The following NAB1 variants were observed in gnomAD, a reference collection of about 807,000 sequenced individuals.
NAB1 encodes the protein NGFI-A-binding protein 1.
A neutral mutation model predicts 49.9 loss-of-function variants in NAB1; 25 were observed. The ratio of observed to expected loss-of-function variants is 0.50; its 90% CI spans 0.37 to 0.70. The LOEUF is 0.70. Ranked by LOEUF, NAB1 falls within the 30% of genes least tolerant of loss-of-function variation. The pLI, the probability that NAB1 is intolerant of heterozygous loss-of-function variation, is 0.00. For synonymous variants in NAB1, 198 were observed against 215.6 expected, an observed-to-expected ratio of 0.92 and a Z score of 0.71; for missense variants, 489 against 575.9, an observed-to-expected ratio of 0.85 and a Z score of 1.54.
In NAB1 at chr2:190,686,828, T is replaced by C. The variant is rs1006185936; in HGVS notation, c.1259-373T>C. ...AATCTTTAATTGGCTTGAAGCCTTC[T>C]GTGTCTTTCTAGTACTTGTTATTAT... On this transcript the variant is annotated intron_variant, in intron 8 of 9. Transcript: ENST00000337386. The surrounding 1 kb of genome is among the most constrained non-coding windows in gnomAD (Gnocchi z 5.5). 1.3e-5 allele frequency among the ~76,000 whole-genome samples: 2 copies of C among 152,082 alleles called. No homozygotes were observed. The highest frequency in any genetic ancestry group is 4.8e-5 in the African/African-American group (2 of 41,410).
At chr2:190,681,678 T>A (rs1171629100) in intron 6 of NAB1, among the ~76,000 whole-genome samples, 1 of 152,248 alleles carries the variant, frequency 6.6e-6, no homozygotes, top group Non-Finnish European at 1.5e-5. Context: ...CTCTTGGCTC[T>A]ATATCATGTC....
intron 4 of NAB1, among the ~76,000 whole-genome samples, chr2:190,664,553 CCT>C (rs1694398271): frequency 1.1e-5 from 1 of 91,568 alleles, no homozygotes; most frequent in Admixed American, 1.3e-4. Flanking sequence ...TTCCTTCCTT[CCT>C]TCCTTTCTTC....
At chr2:190,661,668 A>G (rs1412175578) in intron 4 of NAB1, among the ~76,000 whole-genome samples, 1 of 152,248 alleles carries the variant, frequency 6.6e-6, no homozygotes, top group Non-Finnish European at 1.5e-5. Context: ...AAGTAGGTAC[A>G]TATGATATTT....
In NAB1 at chr2:190,669,170, T is replaced by TAG. The variant is rs1254553672; in HGVS notation, c.820-1156_820-1155insAG. On this transcript the variant is annotated intron_variant, in intron 4 of 9. Transcript: ENST00000337386. This position sits in a 1 kb window ranked among gnomAD's most constrained non-coding sequence, Gnocchi z 4.3. ...GATTCATCACTTGGATGAGACAGAG[T>TAG]GAGATGGCACACAGTTTAAAACTTA... Among the ~76,000 whole-genome samples, 1 of 152,134 alleles carries TAG rather than the reference T, an allele frequency of 6.6e-6. No homozygotes were observed. The highest frequency in any genetic ancestry group is 2.4e-5 in the African/African-American group (1 of 41,428).
rs778670021 is a variant in NAB1, at chr2:190,682,951, T to C, written c.1006-787T>C. Among the ~76,000 whole-genome samples, 1 of 152,196 alleles carries C rather than the reference T, an allele frequency of 6.6e-6. No individual in the cohort carries two copies. Among genetic ancestry groups the C allele is most frequent in the African/African-American group, 2.4e-5 (1 of 41,446 alleles). On this transcript the variant is annotated intron_variant, in intron 6 of 9. Coordinates refer to ENST00000337386, the MANE Select transcript of NAB1 (RefSeq NM_005966.4). The surrounding 1 kb of genome is among the most constrained non-coding windows in gnomAD (Gnocchi z 4.1). ...TCTGGGAATCTTTTGTAGTAGATAA[T>C]CTAAGCTATCGAAAATGCTATCTCC...
intron 4 of NAB1, among the ~76,000 whole-genome samples, chr2:190,660,820 C>A (rs1481309334): frequency 6.6e-6 from 1 of 152,136 alleles, no homozygotes; most frequent in East Asian, 1.9e-4. Flanking sequence ...ACAGTATACT[C>A]TGGGTTTCTT....
In NAB1 at chr2:190,650,001, A is replaced by G. The variant is rs948479486; in HGVS notation, c.-197+19A>G. ...TATAGAGGTGTGTGTGTGTGACCTT[A>G]TCATGGAGAAACACTGAAAATACTA... On this transcript the variant is annotated intron_variant, in intron 2 of 9. Transcript: ENST00000337386. 2.0e-5 allele frequency: 3 copies of G among 152,168 alleles called. No individual in the cohort carries two copies. The highest frequency in any genetic ancestry group is 4.4e-5 in the Non-Finnish European group (3 of 68,046). The allele number at this position is 152,168 out of a possible 1,614,324, so 9.4% of individuals were successfully genotyped here.
rs1255507779 is a variant in NAB1 at position 190,652,368 on chromosome 2, C to G, written c.-197+2386C>G. Among the ~76,000 whole-genome samples, 1 of 152,142 alleles carries G rather than the reference C, an allele frequency of 6.6e-6. No homozygotes were observed. The highest frequency in any genetic ancestry group is 1.5e-5 in the Non-Finnish European group (1 of 68,006). ...TGGGTACTTAATGTTTGTTGAATGACTTGATGGTTGGTTGGTTAAGAATTT... is the reference window on the plus strand; with the variant it reads ...TGGGTACTTAATGTTTGTTGAATGAGTTGATGGTTGGTTGGTTAAGAATTT... On this transcript the variant is annotated intron_variant, in intron 2 of 9. Coordinates refer to ENST00000337386, the MANE Select transcript of NAB1 (RefSeq NM_005966.4). This position sits in a 1 kb window ranked among gnomAD's most constrained non-coding sequence, Gnocchi z 4.2.
intron 4 of NAB1, among the ~76,000 whole-genome samples, chr2:190,660,246 T>G (rs76783090): frequency 0.066 from 10,118 of 152,300 alleles, 546 homozygotes; most frequent in Middle Eastern, 0.14. Context: ...TAGAAAAATG[T>G]CAGAATTTAA....
chr2:190,649,009 G>C (rs1330775118), upstream of NAB1: 1 of 147,656 alleles, frequency 6.8e-6, no homozygotes, highest in African/African-American at 2.5e-5. This position sits in a 1 kb window ranked among gnomAD's most constrained non-coding sequence, Gnocchi z 6.1. Flanking sequence ...GCGGGGGAGG[G>C]GGAGGAGGGT....
intron 9 of NAB1, among the ~76,000 whole-genome samples, chr2:190,688,028 T>C (rs2125883421): frequency 6.6e-6 from 1 of 152,340 alleles, no homozygotes; most frequent in East Asian, 1.9e-4. Context: ...CATAGTTAGA[T>C]ATTTACATAT....
At position 190,678,498 on chromosome 2, in the gene NAB1, G is replaced by A. The variant is rs1278092230; in HGVS notation, c.1006-5240G>A. Among the ~76,000 whole-genome samples the A allele has an allele frequency of 6.6e-6, 1 of 152,218 alleles. No individual in the cohort carries two copies. The highest frequency in any genetic ancestry group is 1.5e-5 in the Non-Finnish European group (1 of 68,034). Reference sequence around the variant, plus strand: ...GTTTTCTTCATTCGCTGAAATTGCTGGAGACTGGGCAGAGATGGGAAATGA... The same window carrying A: ...GTTTTCTTCATTCGCTGAAATTGCTAGAGACTGGGCAGAGATGGGAAATGA... On this transcript the variant is annotated intron_variant, in intron 6 of 9. Coordinates refer to ENST00000337386, the MANE Select transcript of NAB1 (RefSeq NM_005966.4). The surrounding 1 kb of genome is among the most constrained non-coding windows in gnomAD (Gnocchi z 4.9).
rs1363772325 is a variant in NAB1, at chr2:190,685,058, C to T, written c.1096-418C>T. Among the ~76,000 whole-genome samples, 1 of 152,206 alleles carries T rather than the reference C, an allele frequency of 6.6e-6. No individual in the cohort carries two copies. Among genetic ancestry groups the T allele is most frequent in the African/African-American group, 2.4e-5 (1 of 41,452 alleles). On this transcript the variant is annotated intron_variant, in intron 7 of 9. Coordinates refer to ENST00000337386, the MANE Select transcript of NAB1 (RefSeq NM_005966.4). This position sits in a 1 kb window ranked among gnomAD's most constrained non-coding sequence, Gnocchi z 4.5. ...TCCCCCAAACATATTGTCATCATAT[C>T]AGAGTCTGTGTACTGCCAGATCCTA...
rs1405269157 is a variant in NAB1 at position 190,654,840 on chromosome 2, A to G, written c.-196-1137A>G. Among the ~76,000 whole-genome samples, 1 of 152,204 alleles carries G rather than the reference A, an allele frequency of 6.6e-6. No homozygotes were observed. Among genetic ancestry groups the G allele is most frequent in the Admixed American group, 6.5e-5 (1 of 15,274 alleles). On this transcript the variant is annotated intron_variant, in intron 2 of 9. Transcript: ENST00000337386. This position sits in a 1 kb window ranked among gnomAD's most constrained non-coding sequence, Gnocchi z 5.6. ...TGTAGATTTGAGGAAGAAAGAAGAA[A>G]AAGCAAAAATGGAATCCAAACTTAC...
rs533979603 is a variant in NAB1 at position 190,666,457 on chromosome 2, A to T, written c.820-3869A>T. Among the ~76,000 whole-genome samples the T allele has an allele frequency of 7.2e-5, 11 of 152,370 alleles. No individual in the cohort carries two copies. The highest frequency in any genetic ancestry group is 1.2e-4 in the Non-Finnish European group (8 of 68,038). Reference sequence around the variant, plus strand: ...CATGGTGGCTCACGCCTGTAATCCCAGCACTTTGGGAGGCCAAGGTGGGTG... The same window carrying T: ...CATGGTGGCTCACGCCTGTAATCCCTGCACTTTGGGAGGCCAAGGTGGGTG... On this transcript the variant is annotated intron_variant, in intron 4 of 9. Coordinates refer to ENST00000337386, the MANE Select transcript of NAB1 (RefSeq NM_005966.4). The surrounding 1 kb of genome is among the most constrained non-coding windows in gnomAD (Gnocchi z 5.6).
At chr2:190,665,345 G>C (rs1694463180) in intron 4 of NAB1, among the ~76,000 whole-genome samples, 1 of 151,880 alleles carries the variant, frequency 6.6e-6, no homozygotes, top group Non-Finnish European at 1.5e-5. Context: ...AAAGTTAGTG[G>C]TTATTCTGCT....
intron 6 of NAB1, among the ~76,000 whole-genome samples, chr2:190,683,238 G>A (rs1695437291): frequency 1.3e-5 from 2 of 149,692 alleles, no homozygotes; most frequent in Non-Finnish European, 3.0e-5. Context: ...AGCCTCCCAA[G>A]TAGCTGCCCA....
In NAB1 at chr2:190,664,586, C is replaced by CTTTTTT. The variant is rs71027237; in HGVS notation, c.819+4614_819+4619dup. Among the ~76,000 whole-genome samples, 67 of 61,154 alleles carry CTTTTTT rather than the reference C, an allele frequency of 1.1e-3. 4 individuals are homozygous for CTTTTTT. The highest frequency in any genetic ancestry group is 2.1e-3 in the East Asian group (4 of 1,900). 40.1% of individuals were successfully genotyped at this position (61,154 alleles called of 152,430 possible). A position where few individuals can be genotyped will look rare whatever the true frequency, so the allele number is the denominator to read the frequency against. On this transcript the variant is annotated intron_variant, in intron 4 of 9. Transcript: ENST00000337386. ...TCTTCCTCTCTTTCTTTCTTCTTTC[C>CTTTTTT]TTTTTTTTTTTTTTTTTTTTTTTTT...
rs1366433699 is a variant in NAB1 at position 190,651,258 on chromosome 2, T to G, written c.-197+1276T>G. On this transcript the variant is annotated intron_variant, in intron 2 of 9. Transcript: ENST00000337386. This position sits in a 1 kb window ranked among gnomAD's most constrained non-coding sequence, Gnocchi z 4.3. ...AAAAAATACTTTATCTCATCTTATT[T>G]CAAAATTATTCAGTTGAGTAATCTC... Among the ~76,000 whole-genome samples, 2 of 143,538 alleles carry G rather than the reference T, an allele frequency of 1.4e-5. No individual in the cohort carries two copies. 94.2% of individuals were successfully genotyped at this position (143,538 alleles called of 152,430 possible). A position where few individuals can be genotyped will look rare whatever the true frequency, so the allele number is the denominator to read the frequency against.
Sources: allele counts gnomAD v4.1 joint callset (sites outside exome capture counted in the v4.1 genomes callset), GRCh38; gene constraint gnomAD v4.1.1; non-coding constraint Gnocchi (gnomAD v3.1); transcripts MANE v1.5; gene names NCBI Gene and HGNC (gene_info 2026-07-23, HGNC 2026-07-21).